Variants in FBXW8 observed in about 807,000 individuals in gnomAD.
FBXW8 encodes the protein F-box and WD repeat domain containing 8.
Under a neutral mutation model 65.3 loss-of-function variants are expected in FBXW8, and 57 were observed. The ratio of observed to expected loss-of-function variants is 0.87; its 90% CI spans 0.71 to 1.09. The LOEUF (loss-of-function observed/expected upper bound fraction) is 1.09, where lower values mean the gene tolerates loss of function less well. FBXW8 is among the 50% of genes least tolerant of loss of function. FBXW8 has a pLI of 0.00. For synonymous variants in FBXW8, 308 were observed against 330.2 expected, an observed-to-expected ratio of 0.93 and a Z score of 0.73; for missense variants, 777 against 814.8, an observed-to-expected ratio of 0.95 and a Z score of 0.57.
At chr12:117,014,278 GTTTC>G (rs1305802152) in intron 8 of FBXW8, among the ~76,000 whole-genome samples, 1 of 152,012 alleles carries the variant, frequency 6.6e-6, no homozygotes, top group Non-Finnish European at 1.5e-5. Context: ...ATTTCCATTT[GTTTC>G]TTTTTTTATA....
chr12:117,010,519 T>C, intron 8 of FBXW8, 69 bp downstream of exon 8: 1 of 1,603,190 alleles, frequency 6.2e-7, no homozygotes, highest in Admixed American at 1.7e-5. Flanking sequence ...CCCACTGCGC[T>C]GCTCACACTG....
At position 116,996,008 on chromosome 12, in the gene FBXW8, G is replaced by A. The variant is rs569808176; in HGVS notation, c.1239+7139G>A. ...TAAATTCTGCTCTCAGAGGTGGAGG[G>A]TTAGAAGACCGAATTGCCTTGTTTA... On this transcript the variant is annotated intron_variant, in intron 7 of 10. Transcript: ENST00000652555. Among the ~76,000 whole-genome samples the A allele has an allele frequency of 2.6e-5, 4 of 152,260 alleles. No individual in the cohort carries two copies. The East Asian group carries it at 7.7e-4, about 29-fold the overall frequency.
chr12:116,980,836 C>T (rs879523223), intron 5 of FBXW8, among the ~76,000 whole-genome samples: 12 of 152,132 alleles, frequency 7.9e-5, no homozygotes, highest in Non-Finnish European at 1.6e-4. Context: ...GTGTATATCT[C>T]TCTGTGATCA....
At chr12:116,912,750 A>C (rs1295585668) in intron 1 of FBXW8, among the ~76,000 whole-genome samples, 1 of 152,210 alleles carries the variant, frequency 6.6e-6, no homozygotes, top group Non-Finnish European at 1.5e-5. Context: ...GGCGTGAGCC[A>C]CCGCGCCCGG....
rs537035119 is a variant in FBXW8, at chr12:116,936,412, G to A, written c.423+8285G>A. Among the ~76,000 whole-genome samples the A allele has an allele frequency of 2.6e-5, 4 of 152,256 alleles. No homozygotes were observed. Among genetic ancestry groups the A allele is most frequent in the South Asian group, 4.1e-4 (2 of 4,820 alleles). On this transcript the variant is annotated intron_variant, in intron 2 of 10. Transcript: ENST00000652555. The surrounding 1 kb of genome is among the most constrained non-coding windows in gnomAD (Gnocchi z 4.6). ...AGTATGTTACCTTTCATGATAAAAC[G>A]CCCTTTGCCGATGTGATTAGGTTAA...
intron 7 of FBXW8, among the ~76,000 whole-genome samples, chr12:116,990,127 G>A (rs534203126): frequency 2.0e-5 from 3 of 152,326 alleles, no homozygotes; most frequent in Non-Finnish European, 2.9e-5. Context: ...GGTCAAGAAT[G>A]GAAGCATCTT....
intron 4 of FBXW8, among the ~76,000 whole-genome samples, chr12:116,956,501 C>A (rs1490488786): frequency 1.3e-5 from 2 of 152,136 alleles, no homozygotes; most frequent in South Asian, 2.1e-4. Flanking sequence ...ATTCATACAC[C>A]CTGGCGTCAG....
Position 116,949,750 on chromosome 12 carries a change from T to C in FBXW8, c.677+44T>C, listed in dbSNP as rs779576974. 2.5e-6 allele frequency: 4 copies of C among 1,573,982 alleles called. No individual in the cohort carries two copies. In the South Asian group the frequency reaches 4.4e-5, roughly 17 times the overall value. On this transcript the variant is annotated intron_variant, in intron 4 of 10. Transcript: ENST00000652555. Reference sequence around the variant, plus strand: ...ACTGAGTGCTCTGCATCTGAAGGTCTTTCATTTTTCTCATACCACCCTCTG... The same window carrying C: ...ACTGAGTGCTCTGCATCTGAAGGTCCTTCATTTTTCTCATACCACCCTCTG...
chr12:116,962,682 A>G (rs1250077254), intron 4 of FBXW8, among the ~76,000 whole-genome samples: 3 of 152,208 alleles, frequency 2.0e-5, no homozygotes, highest in African/African-American at 7.2e-5. Context: ...TATTTCTGAA[A>G]GACGTTGCCA....
chr12:116,998,275 C>T (rs1953430124), intron 7 of FBXW8, among the ~76,000 whole-genome samples: 1 of 152,202 alleles, frequency 6.6e-6, no homozygotes, highest in African/African-American at 2.4e-5. Flanking sequence ...GGCACCAAGT[C>T]TTAAATGTCT....
chr12:117,023,996 C>A, intron 8 of FBXW8, 151 bp from the exon 9 acceptor site: 1 of 739,350 alleles, frequency 1.4e-6, no homozygotes, highest in Non-Finnish European at 2.1e-6. Context: ...ACAGTCTGTG[C>A]TTGATGTCCT....
chr12:116,971,705 G>A (rs569955084), intron 5 of FBXW8, among the ~76,000 whole-genome samples: 1 of 152,074 alleles, frequency 6.6e-6, no homozygotes, highest in South Asian at 2.1e-4. Context: ...TTAAATCTGT[G>A]CTTTTGTTTT....
At chr12:116,965,933 T>TTTG (rs1884294885) in intron 5 of FBXW8, among the ~76,000 whole-genome samples, 1 of 150,744 alleles carries the variant, frequency 6.6e-6, no homozygotes, top group East Asian at 1.9e-4. Flanking sequence ...TAATTTTTTT[T>TTTG]TTTTTTTTTT....
intron 8 of FBXW8, among the ~76,000 whole-genome samples, chr12:117,013,316 AGTT>A (rs1247582038): frequency 4.6e-5 from 7 of 152,176 alleles, no homozygotes; most frequent in Non-Finnish European, 1.0e-4. Flanking sequence ...GTGGAAACTG[AGTT>A]AATGTTAGAG....
rs67337354 is a variant in FBXW8 at position 116,923,287 on chromosome 12, TA to T, written c.319-4733del. ...GTAGGGCCCTTGGCATTTTTTTTTT[TA>T]AATTCCACAGGTGATTTTAATGTGT... On this transcript the variant is annotated intron_variant, in intron 1 of 10. Transcript: ENST00000652555. Among the ~76,000 whole-genome samples, 1,567 of 149,600 alleles carry T rather than the reference TA, an allele frequency of 0.01. 59 individuals carry two copies. The South Asian group carries it at 0.11, about 11-fold the overall frequency.
At chr12:116,937,436 GAGGACCGGGA>G (rs1401111468) in intron 2 of FBXW8, among the ~76,000 whole-genome samples, 1 of 152,224 alleles carries the variant, frequency 6.6e-6, no homozygotes, top group Non-Finnish European at 1.5e-5. Flanking sequence ...GGGCCAGGCA[GAGGACCGGGA>G]AGGAGTTCCC....
chr12:116,996,025 C>T (rs981105927), intron 7 of FBXW8, among the ~76,000 whole-genome samples: 15 of 152,112 alleles, frequency 9.9e-5, no homozygotes, highest in Non-Finnish European at 2.1e-4. Context: ...GACCGAATTG[C>T]CTTGTTTAAG....
At chr12:117,021,216 ACCAGCAAACTTAAACATCT>A (rs1243095612) in intron 8 of FBXW8, among the ~76,000 whole-genome samples, 2 of 152,226 alleles carry the variant, frequency 1.3e-5, no homozygotes, top group African/African-American at 4.8e-5. Flanking sequence ...TTATCTGATT[ACCAGCAAACTTAAACATCT>A]TACACATGTT....
chr12:117,001,620 A>G (rs887928522), intron 7 of FBXW8, among the ~76,000 whole-genome samples: 25 of 152,096 alleles, frequency 1.6e-4, no homozygotes, highest in African/African-American at 6.0e-4. Context: ...TAAGATAGAT[A>G]TTATAACCTT....
Sources: allele counts gnomAD v4.1 joint callset (sites outside exome capture counted in the v4.1 genomes callset), GRCh38; gene constraint gnomAD v4.1.1; non-coding constraint Gnocchi (gnomAD v3.1); transcripts MANE v1.5; gene names NCBI Gene and HGNC (gene_info 2026-07-23, HGNC 2026-07-21).